TAF4B: variants seen among roughly 807,000 people sequenced by gnomAD.
TAF4B encodes TATA-box binding protein associated factor 4b, also known as transcription initiation factor TFIID subunit 4B.
Under a neutral mutation model 86.4 loss-of-function variants are expected in TAF4B, and 38 were observed. That is an observed-to-expected ratio of 0.44 (90% CI 0.34 to 0.58). TAF4B has a LOEUF of 0.58. TAF4B is among the 20% of genes least tolerant of loss of function. The pLI is 0.02. For synonymous variants in TAF4B, 388 were observed against 391.2 expected (o/e 0.99, Z 0.10); for missense variants, 988 against 1,027.6 (o/e 0.96, Z 0.53).
At chr18:26,309,267 T>C (rs1568144376) in intron 9 of TAF4B, among the ~76,000 whole-genome samples, 1 of 109,826 alleles carries the variant, frequency 9.1e-6, no homozygotes, top group East Asian at 2.1e-4. Flanking sequence ...TTTTTTTTTT[T>C]TTTTTTTTTT....
At chr18:26,351,057 C>T (rs925432690) in intron 13 of TAF4B, among the ~76,000 whole-genome samples, 2 of 152,092 alleles carry the variant, frequency 1.3e-5, no homozygotes, top group Admixed American at 1.3e-4. Context: ...GACATCTGTA[C>T]CCCCTTGTTC....
chr18:26,297,776 C>G (rs1161886671), intron 9 of TAF4B, among the ~76,000 whole-genome samples: 2 of 152,040 alleles, frequency 1.3e-5, no homozygotes, highest in African/African-American at 4.8e-5. Context: ...CAGTTTTTGG[C>G]AATGATAAAG....
intron 14 of TAF4B, among the ~76,000 whole-genome samples, chr18:26,383,586 A>C (rs935870613): frequency 6.6e-6 from 1 of 152,148 alleles, no homozygotes; most frequent in Non-Finnish European, 1.5e-5. Flanking sequence ...AAAATGAGAG[A>C]GCGTTCTGTT....
chr18:26,320,218 A>C (rs1197470947), intron 10 of TAF4B, among the ~76,000 whole-genome samples: 1 of 152,268 alleles, frequency 6.6e-6, no homozygotes, highest in East Asian at 1.9e-4. Context: ...AAACAATCAC[A>C]GTAGTGCTTT....
At chr18:26,227,614 AT>A (rs2055598459) in intron 1 of TAF4B, among the ~76,000 whole-genome samples, 1 of 152,122 alleles carries the variant, frequency 6.6e-6, no homozygotes. Context: ...ATACGCTTAG[AT>A]TATGTAGAAG....
At chr18:26,229,978 TACACACACACAC>T in intron 1 of TAF4B, among the ~76,000 whole-genome samples, 1 of 150,902 alleles carries the variant, frequency 6.6e-6, no homozygotes, top group Non-Finnish European at 1.5e-5. Flanking sequence ...TATATATATA[TACACACACACAC>T]ACACATATAC....
intron 14 of TAF4B, among the ~76,000 whole-genome samples, chr18:26,360,302 T>C (rs1047709080): frequency 2.0e-5 from 3 of 152,058 alleles, no homozygotes; most frequent in Non-Finnish European, 2.9e-5. Flanking sequence ...TAATAGAGTG[T>C]TTAAGTTATG....
At chr18:26,357,639 T>C (rs1210855170) in intron 13 of TAF4B, 51 bp from the exon 14 acceptor site, 3 of 1,291,190 alleles carry the variant, frequency 2.3e-6, no homozygotes, top group Non-Finnish European at 3.3e-6. Context: ...TCTTTTTCCC[T>C]CTGAGCATGA....
chr18:26,248,000 T>C (rs2055951862), intron 1 of TAF4B, among the ~76,000 whole-genome samples: 1 of 126,730 alleles, frequency 7.9e-6, no homozygotes, highest in South Asian at 2.9e-4. Context: ...TCAAACCTAC[T>C]GAGTGACTGG....
intron 9 of TAF4B, among the ~76,000 whole-genome samples, chr18:26,307,679 C>A (rs749943060): frequency 1.3e-5 from 2 of 151,898 alleles, no homozygotes; most frequent in Non-Finnish European, 1.5e-5. Context: ...AATATAGGAC[C>A]AGATTATGTG....
Position 26,286,575 on chromosome 18 carries a change from A to G in TAF4B, c.1590+76A>G, listed in dbSNP as rs8089615. 4.0e-4 allele frequency: 572 copies of G among 1,446,718 alleles called. 1 individual carries two copies. The African/African-American group carries it at 7.3e-3, about 18-fold the overall frequency. The allele number at this position is 1,446,718 out of a possible 1,614,324, so 89.6% of individuals were successfully genotyped here. A position where few individuals can be genotyped will look rare whatever the true frequency, so the allele number is the denominator to read the frequency against. On this transcript the variant is annotated intron_variant, in intron 7 of 14. Transcript: ENST00000269142. ...CATTCAGAAAACTGGTAAGACTAGT[A>G]GAAAACTAGTAAGGCTATATACTGT...
At chr18:26,368,419 C>G (rs557917282) in intron 14 of TAF4B, among the ~76,000 whole-genome samples, 2 of 152,284 alleles carry the variant, frequency 1.3e-5, no homozygotes, top group East Asian at 3.9e-4. Context: ...TGATTCTTCA[C>G]TCTGAAAAGG....
At chr18:26,290,410 G>A (rs1057333377) in intron 7 of TAF4B, among the ~76,000 whole-genome samples, 2 of 152,166 alleles carry the variant, frequency 1.3e-5, no homozygotes, top group African/African-American at 4.8e-5. Context: ...AGGAGGACGG[G>A]TTTTAAAAAG....
In TAF4B at chr18:26,282,136, A is replaced by G. The variant is rs1598754443; in HGVS notation, c.972+76A>G. The G allele has an allele frequency of 3.3e-6, 4 of 1,210,152 alleles. No individual in the cohort carries two copies. In the East Asian group the frequency reaches 7.2e-5, roughly 22 times the overall value. The allele number at this position is 1,210,152 out of a possible 1,614,324, so 75.0% of individuals were successfully genotyped here. ...AATAATTAAAAATGGGAATATTTCA[A>G]TATGACAGCAATTGAATGTGAAGAT... On this transcript the variant is annotated intron_variant, in intron 6 of 14. Transcript: ENST00000269142.
chr18:26,265,453 T>A, intron 2 of TAF4B, 138 bp downstream of exon 2: 1 of 974,890 alleles, frequency 1.0e-6, no homozygotes, highest in Non-Finnish European at 1.4e-6. Context: ...TTGCCTTGAA[T>A]ATGTCAATTT....
chr18:26,304,714 A>C, intron 9 of TAF4B: 1 of 985,386 alleles, frequency 1.0e-6, no homozygotes, highest in Non-Finnish European at 1.2e-6. Flanking sequence ...CCTTGAGGCA[A>C]TTCTTCCTTT....
intron 9 of TAF4B, among the ~76,000 whole-genome samples, chr18:26,314,266 G>A: frequency 6.6e-6 from 1 of 152,064 alleles, no homozygotes; most frequent in South Asian, 2.1e-4. Flanking sequence ...TATAACACTG[G>A]TAAGATGCTT....
At chr18:26,254,223 T>C (rs1315944249) in intron 1 of TAF4B, among the ~76,000 whole-genome samples, 1 of 152,136 alleles carries the variant, frequency 6.6e-6, no homozygotes, top group Non-Finnish European at 1.5e-5. Context: ...CCACCATGCC[T>C]GGCCTCACAC....
chr18:26,245,438 C>T (rs11664873), intron 1 of TAF4B, among the ~76,000 whole-genome samples: 50,449 of 151,836 alleles, frequency 0.33, 10,334 homozygotes, highest in East Asian at 0.8. Flanking sequence ...GGAAGGGGAC[C>T]CAAGTGGGTT....
Sources: allele counts gnomAD v4.1 joint callset (sites outside exome capture counted in the v4.1 genomes callset), GRCh38; gene constraint gnomAD v4.1.1; transcripts MANE v1.5; gene names NCBI Gene and HGNC (gene_info 2026-07-23, HGNC 2026-07-21).